Variants in TXNRD2 observed in about 807,000 individuals in gnomAD.
The protein encoded by TXNRD2 is thioredoxin reductase 2, mitochondrial.
TXNRD2 carries 67 observed loss-of-function variants against 70.8 expected under a neutral mutation model. The ratio of observed to expected loss-of-function variants is 0.95; its 90% confidence interval spans 0.78 to 1.16. The LOEUF is 1.16. Ranked by LOEUF, TXNRD2 falls within the 50% of genes most tolerant of loss-of-function variation. The probability of loss-of-function intolerance (pLI) is 0.00; values close to 1 mark genes in which losing one functional copy is unlikely to be tolerated. For missense variants in TXNRD2, 644 were observed against 719.9 expected (o/e 0.89, Z 1.21); for synonymous variants, 301 against 295.8 (o/e 1.02, Z -0.18).
chr22:19,897,376 G>GT (rs1415985724), intron 10 of TXNRD2, among the ~76,000 whole-genome samples: 1 of 152,228 alleles, frequency 6.6e-6, no homozygotes, highest in Non-Finnish European at 1.5e-5. Flanking sequence ...GTCATGGAGT[G>GT]TTTGACATCT....
rs761297531 is a variant in TXNRD2 at position 19,941,700 on chromosome 22, C to T, written c.103+1G>A. 2.7e-6 allele frequency: 4 copies of T among 1,482,818 alleles called. No individual in the cohort carries two copies. The South Asian group carries it at 5.1e-5, about 19-fold the overall frequency. The allele number at this position is 1,482,818 out of a possible 1,614,324, so 91.9% of individuals were successfully genotyped here. ...GCGGGGACGCCCCGACCCCATCCTA[C>T]CTGCTGCGCCCCGCGCCGCGCCCCG... On this transcript the variant is annotated splice_donor_variant, in intron 1 of 17. Transcript: ENST00000400521. LOFTEE classifies it high-confidence loss of function.
In TXNRD2 at chr22:19,915,777, T is replaced by G. The variant is rs761955168; in HGVS notation, c.516A>C (p.Lys172Asn). 6.2e-7 allele frequency: 1 copy of G among 1,614,134 alleles called. No individual in the cohort carries two copies. The highest frequency in any genetic ancestry group is 2.2e-5 in the East Asian group (1 of 44,888). ...VDEHTVCGVAKGGKEILLSAD... is the reference protein window; with the variant it reads ...VDEHTVCGVANGGKEILLSAD... ...GTCAGATGCTCACCTCTTTCCCACC[T>G]TTGGCAACGCCGCAAACCGTGTGCT... Residue 172 changes from lysine to asparagine, a missense_variant, in exon 6 of 18, where the codon AAA becomes AAC. Lys to Asn is a moderately conservative substitution (Grantham distance 94). This residue lies in a region of TXNRD2 where 566 missense variants were observed against 645.0 expected (regional missense o/e 0.88). Coordinates refer to ENST00000400521, the MANE Select transcript of TXNRD2 (RefSeq NM_006440.5).
chr22:19,924,394 A>G lies in TXNRD2; in HGVS notation c.173-4795T>C, dbSNP rs193206350. ...CCGCACCCTAAGGCCCAGCCTCATC[A>G]GCTGCAGCATCTTCACCTGGCCTTT... On this transcript the variant is annotated intron_variant, in intron 2 of 17. Coordinates refer to ENST00000400521, the MANE Select transcript of TXNRD2 (RefSeq NM_006440.5). 9.6e-4 allele frequency among the ~76,000 whole-genome samples: 146 copies of G among 152,222 alleles called. 1 individual carries two copies. Among genetic ancestry groups the G allele is most frequent in the Non-Finnish European group, 1.6e-3 (110 of 68,000 alleles).
intron 2 of TXNRD2, among the ~76,000 whole-genome samples, chr22:19,920,834 G>A (rs1195245953): frequency 1.3e-5 from 2 of 152,218 alleles, no homozygotes; most frequent in East Asian, 1.9e-4. Flanking sequence ...TGGGTGCAGC[G>A]GCTCATGCCT....
At position 19,892,001 on chromosome 22, in the gene TXNRD2, G is replaced by A. The variant is rs1010158268; in HGVS notation, c.949+3406C>T. On this transcript the variant is annotated intron_variant, in intron 11 of 17. Transcript: ENST00000400521. ...CGGGCAACGGGCAGGGCCAGCACTC[G>A]GCCCCACACGGGAGCTCTGTGCAGC... Among the ~76,000 whole-genome samples the A allele has an allele frequency of 4.6e-5, 7 of 152,342 alleles. No individual in the cohort carries two copies. The South Asian group carries it at 8.3e-4, about 18-fold the overall frequency.
Position 19,880,714 on chromosome 22 carries a change from G to C in TXNRD2, c.1090C>G (p.Arg364Gly). Residue 364 changes from arginine (R) to glycine (G), a missense_variant, in exon 13 of 18, where the codon CGG (arginine) becomes GGG (glycine). Arg to Gly is a moderately radical substitution (Grantham distance 125, BLOSUM62 -2). This residue lies in a region of TXNRD2 where 566 missense variants were observed against 645.0 expected (regional missense o/e 0.88). Coordinates refer to ENST00000400521, the MANE Select transcript of TXNRD2 (RefSeq NM_006440.5). ...ATCGCTATGGGTGTCAGCTCAGGCC[G>C]CCCCTTGGGGAAGGCACAGGGGGGC... ...IYAIGDVVEG[R>G]PELTPIAIMA... is the part of the protein sequence containing the mutation. The C allele has an allele frequency of 6.2e-7, 1 of 1,608,428 alleles. No homozygotes were observed.
rs767844402 is a variant in TXNRD2, at chr22:19,877,201, G to A, written c.1479C>T (p.Thr493=). Residue 493 remains threonine, a synonymous_variant, in exon 17 of 18, where the codon ACC becomes ACT. Coordinates refer to ENST00000400521, the MANE Select transcript of TXNRD2 (RefSeq NM_006440.5). The part of the protein sequence containing the change: ...CGASYAQVMR[T]VGIHPTCSEE... ...CAGAGCATGTGGGATGGATACCCAC[G>A]GTCCGCATCACCTGCGCATAGGAAG... is the stretch of plus-strand genomic sequence containing the variant. 18 of 1,611,402 alleles carry A rather than the reference G, an allele frequency of 1.1e-5. No individual in the cohort carries two copies. Among genetic ancestry groups the A allele is most frequent in the Admixed American group, 5.0e-5 (3 of 59,940 alleles).
intron 8 of TXNRD2, chr22:19,903,053 G>A (rs575562404): frequency 6.6e-5 from 34 of 518,538 alleles, no homozygotes; most frequent in African/African-American, 4.4e-4. Flanking sequence ...CCAGGAGTGC[G>A]AGGACAGACA....
intron 1 of TXNRD2, chr22:19,933,572 T>G: frequency 1.6e-6 from 2 of 1,232,994 alleles, no homozygotes; most frequent in Non-Finnish European, 1.1e-6. Flanking sequence ...GTGCTTATCT[T>G]GGGCAGCTTG....
chr22:19,885,911 A>G (rs888060213), intron 11 of TXNRD2, among the ~76,000 whole-genome samples: 13 of 152,008 alleles, frequency 8.6e-5, no homozygotes, highest in African/African-American at 3.1e-4. Context: ...TAGTCACAAG[A>G]GATAAAAGAG....
chr22:19,911,296 A>G, intron 8 of TXNRD2, 81 bp downstream of exon 8: 1 of 1,167,002 alleles, frequency 8.6e-7, no homozygotes, highest in South Asian at 1.2e-5. Context: ...CCAGGAGCCC[A>G]GCACCAGCAC....
intron 2 of TXNRD2, among the ~76,000 whole-genome samples, chr22:19,928,757 A>G (rs1941246643): frequency 6.6e-6 from 1 of 152,204 alleles, no homozygotes; most frequent in African/African-American, 2.4e-5. Context: ...CTGTAATCCC[A>G]GAACTTTGGG....
chr22:19,939,731 T>G (rs574861335), intron 1 of TXNRD2, among the ~76,000 whole-genome samples: 138 of 152,316 alleles, frequency 9.1e-4, no homozygotes, highest in Middle Eastern at 3.4e-3. Context: ...AGCTCAAGTC[T>G]GGGCTGCTTG....
rs16982754 is a variant in TXNRD2, at chr22:19,911,538, G to C, written c.592-91C>G. ...GAGGATGCCAGCTTTGCAGAATCAA[G>C]CAGAGCTTTCCCAGGGCACACATGC... On this transcript the variant is annotated intron_variant, in intron 7 of 17. Transcript: ENST00000400521. 28,401 of 991,262 alleles carry C rather than the reference G, an allele frequency of 0.029. 664 individuals are homozygous for C. Among genetic ancestry groups the C allele is most frequent in the South Asian group, 0.079 (5,968 of 75,924 alleles). 61.4% of individuals were successfully genotyped at this position (991,262 alleles called of 1,614,324 possible).
chr22:19,877,990 A>G (rs1414819108), intron 16 of TXNRD2, 100 bp downstream of exon 16: 2 of 1,027,070 alleles, frequency 1.9e-6, no homozygotes, highest in Non-Finnish European at 3.0e-6. Flanking sequence ...GGCCACATAA[A>G]TGCCGCAAGA....
At chr22:19,919,453 A>C in intron 3 of TXNRD2, 90 bp downstream of exon 3, 2 of 1,155,286 alleles carry the variant, frequency 1.7e-6, no homozygotes, top group Non-Finnish European at 2.5e-6. Context: ...GGGCTGAAGG[A>C]CTTTGGTGTC....
At chr22:19,892,271 A>C (rs1218581969) in intron 11 of TXNRD2, among the ~76,000 whole-genome samples, 1 of 152,272 alleles carries the variant, frequency 6.6e-6, no homozygotes, top group African/African-American at 2.4e-5. Context: ...AAACGCTCGC[A>C]GTTGCTGACC....
chr22:19,877,972 C>T lies in TXNRD2; in HGVS notation c.1445+118G>A, dbSNP rs1037132843. The T allele has an allele frequency of 3.9e-5, 34 of 882,972 alleles. No individual in the cohort carries two copies. The African/African-American group carries it at 4.3e-4, about 11-fold the overall frequency. 54.7% of individuals were successfully genotyped at this position (882,972 alleles called of 1,614,324 possible). On this transcript the variant is annotated intron_variant, in intron 16 of 17. Coordinates refer to ENST00000400521, the MANE Select transcript of TXNRD2 (RefSeq NM_006440.5). ...GGGCCTGAGGAATCTCTGCTGCAAA[C>T]CCACGAAGGCCACATAAATGCCGCA...
chr22:19,925,110 C>T lies in TXNRD2; in HGVS notation c.173-5511G>A, dbSNP rs577401669. ...CCATCCTGGCTAACACGGCGAAGCCCCGTTTCTACTAAAATCACAAAAAAT... is the reference window on the plus strand; with the variant it reads ...CCATCCTGGCTAACACGGCGAAGCCTCGTTTCTACTAAAATCACAAAAAAT... On this transcript the variant is annotated intron_variant, in intron 2 of 17. Transcript: ENST00000400521. Among the ~76,000 whole-genome samples, 65 of 151,486 alleles carry T rather than the reference C, an allele frequency of 4.3e-4. 1 individual carries two copies. Among genetic ancestry groups the T allele is most frequent in the South Asian group, 2.3e-3 (11 of 4,810 alleles).
Sources: gnomAD v4.1 joint callset for allele counts (sites outside exome capture counted in the v4.1 genomes callset) on GRCh38, gnomAD v4.1.1 for gene constraint, gnomAD v4.1.1 regional missense constraint, MANE v1.5 for transcripts, NCBI Gene and HGNC (gene_info 2026-07-23, HGNC 2026-07-21) for gene names.